TBC1D15: variants seen among roughly 807,000 people sequenced by gnomAD.
TBC1D15 encodes the protein GAP for RAB7.
In TBC1D15, 39 loss-of-function variants were observed where a neutral mutation model predicts 95.4. The observed-to-expected ratio is 0.41, with a 90% CI of 0.32 to 0.53. The LOEUF (loss-of-function observed/expected upper bound fraction) is 0.53, where lower values mean the gene tolerates loss of function less well. TBC1D15 is among the 20% of genes least tolerant of loss of function. The probability of loss-of-function intolerance (pLI) is 0.29; values close to 1 mark genes in which losing one functional copy is unlikely to be tolerated. For synonymous variants in TBC1D15, 258 were observed against 261.3 expected, an observed-to-expected ratio of 0.99 and a Z score of 0.12; for missense variants, 733 against 794.3, an observed-to-expected ratio of 0.92 and a Z score of 0.93.
At chr12:71,871,322 A>G (rs565583466) in intron 1 of TBC1D15, among the ~76,000 whole-genome samples, 73 of 152,272 alleles carry the variant, frequency 4.8e-4, no homozygotes, top group African/African-American at 1.7e-3. Context: ...AGTCATTTCT[A>G]GGAGTCTCCA....
intron 1 of TBC1D15, chr12:71,850,383 G>T: frequency 3.3e-6 from 1 of 299,412 alleles, no homozygotes; most frequent in Non-Finnish European, 6.4e-6. Context: ...TTCGCACAGT[G>T]GGCCACCCAG....
intron 1 of TBC1D15, among the ~76,000 whole-genome samples, chr12:71,855,852 A>G (rs896188120): frequency 6.6e-6 from 1 of 150,862 alleles, no homozygotes; most frequent in African/African-American, 2.5e-5. Flanking sequence ...TGGTTCTTCC[A>G]TATCTTCTAC....
At chr12:71,917,620 T>C in intron 12 of TBC1D15, 78 bp from the exon 13 acceptor site, 1 of 963,302 alleles carries the variant, frequency 1.0e-6, no homozygotes, top group Non-Finnish European at 1.6e-6. Context: ...TCCTTAGACA[T>C]CATGTTTTAG....
chr12:71,917,823 C>A, intron 13 of TBC1D15, 26 bp downstream of exon 13: 3 of 1,463,912 alleles, frequency 2.0e-6, no homozygotes, highest in Non-Finnish European at 1.9e-6. Context: ...CAGAACTATA[C>A]CCAGCAAATT....
intron 12 of TBC1D15, among the ~76,000 whole-genome samples, chr12:71,917,060 CACAAGAGATTGTTTT>C (rs1903874787): frequency 6.6e-6 from 1 of 151,872 alleles, no homozygotes; most frequent in African/African-American, 2.4e-5. Context: ...AATTTACCGA[CACAAGAGATTGTTTT>C]AAATTTTTCA....
At chr12:71,866,278 T>C (rs1891480167) in intron 1 of TBC1D15, among the ~76,000 whole-genome samples, 1 of 152,134 alleles carries the variant, frequency 6.6e-6, no homozygotes, top group African/African-American at 2.4e-5. Flanking sequence ...GAGTAGTCTT[T>C]TGGGCCACAA....
chr12:71,891,907 G>A (rs1311258221), intron 5 of TBC1D15, among the ~76,000 whole-genome samples: 1 of 151,970 alleles, frequency 6.6e-6, no homozygotes, highest in African/African-American at 2.4e-5. Context: ...ACTTTCATGA[G>A]CATTTTTTAT....
At chr12:71,881,276 G>A (rs1365794676) in intron 4 of TBC1D15, among the ~76,000 whole-genome samples, 1 of 152,106 alleles carries the variant, frequency 6.6e-6, no homozygotes, top group African/African-American at 2.4e-5. Context: ...GTTGCCTGTG[G>A]TATTCAGTAT....
chr12:71,859,089 T>C (rs1889803290), intron 1 of TBC1D15, among the ~76,000 whole-genome samples: 1 of 152,068 alleles, frequency 6.6e-6, no homozygotes, highest in Non-Finnish European at 1.5e-5. Context: ...ATTAGTGATG[T>C]TGAACATTTT....
intron 6 of TBC1D15, among the ~76,000 whole-genome samples, chr12:71,893,828 TGTAAA>T (rs1365240478): frequency 3.9e-5 from 6 of 151,986 alleles, no homozygotes; most frequent in African/African-American, 1.2e-4. Flanking sequence ...CAGATGACTA[TGTAAA>T]GTAATGAGAT....
At chr12:71,871,000 C>T (rs1008346567) in intron 1 of TBC1D15, among the ~76,000 whole-genome samples, 1 of 152,024 alleles carries the variant, frequency 6.6e-6, no homozygotes, top group African/African-American at 2.4e-5. Context: ...CACTATTGAC[C>T]AGACTTATAT....
chr12:71,867,496 T>A (rs557185450), intron 1 of TBC1D15, among the ~76,000 whole-genome samples: 1 of 152,304 alleles, frequency 6.6e-6, no homozygotes, highest in East Asian at 1.9e-4. Flanking sequence ...TTAAGTGAGA[T>A]CAGGGTACTT....
At chr12:71,902,702 TA>T (rs1315941691) in intron 10 of TBC1D15, among the ~76,000 whole-genome samples, 1 of 152,026 alleles carries the variant, frequency 6.6e-6, no homozygotes. Flanking sequence ...CAAAAGCAAT[TA>T]CAACCAAAAC....
rs373215244 is a variant in TBC1D15, at chr12:71,920,814, G to A, written c.1683G>A (p.Met561Ile). ...TGGAATCAGAAAAGCAGCAAATAAT[G>A]GAAAAGCATTATGGCTTCAATGAAA... ...AILESEKQQIMEKHYGFNEIL... is the reference protein window; with the variant it reads ...AILESEKQQIIEKHYGFNEIL... Residue 561 changes from methionine (M) to isoleucine (I), a missense_variant, in exon 15 of 17, where the codon ATG (methionine) becomes ATA (isoleucine). By Grantham distance (10) the Met-to-Ile change is conservative (BLOSUM62 1). Coordinates refer to ENST00000485960, the MANE Select transcript of TBC1D15 (RefSeq NM_001146213.3). The A allele has an allele frequency of 1.6e-5, 25 of 1,611,634 alleles. No individual in the cohort carries two copies. The highest frequency in any genetic ancestry group is 2.0e-5 in the Non-Finnish European group (23 of 1,179,020).
chr12:71,864,364 G>A (rs887810863), intron 1 of TBC1D15, among the ~76,000 whole-genome samples: 43 of 152,118 alleles, frequency 2.8e-4, no homozygotes, highest in African/African-American at 9.9e-4. Flanking sequence ...TACTGCACCC[G>A]GCTGCTTTTT....
chr12:71,917,230 T>C (rs1301558681), intron 12 of TBC1D15, among the ~76,000 whole-genome samples: 1 of 152,224 alleles, frequency 6.6e-6, no homozygotes, highest in Non-Finnish European at 1.5e-5. Flanking sequence ...TTTAGTATTG[T>C]CCTGAAAATG....
chr12:71,898,540 T>A (rs1898675607), intron 10 of TBC1D15, among the ~76,000 whole-genome samples: 1 of 152,138 alleles, frequency 6.6e-6, no homozygotes, highest in African/African-American at 2.4e-5. Flanking sequence ...TTAGTTGCAT[T>A]TCATAATCTC....
At chr12:71,863,013 G>A (rs554423028) in intron 1 of TBC1D15, among the ~76,000 whole-genome samples, 41 of 152,242 alleles carry the variant, frequency 2.7e-4, no homozygotes, top group South Asian at 1.2e-3. Context: ...ATTCTTGGCT[G>A]GAAGTATTTT....
At chr12:71,922,902 A>T in intron 16 of TBC1D15, 81 bp from the exon 17 acceptor site, 2 of 1,252,064 alleles carry the variant, frequency 1.6e-6, no homozygotes, top group Non-Finnish European at 2.3e-6. Flanking sequence ...GAATCAATGT[A>T]GTCTTAAACA....
Sources: allele counts gnomAD v4.1 joint callset (sites outside exome capture counted in the v4.1 genomes callset), GRCh38; gene constraint gnomAD v4.1.1; transcripts MANE v1.5; gene names NCBI Gene and HGNC (gene_info 2026-07-23, HGNC 2026-07-21).